NCAM2: variants seen among roughly 807,000 people sequenced by gnomAD.
NCAM2 encodes the protein N-CAM-2.
NCAM2 carries 30 observed loss-of-function variants against 98.1 expected under a neutral mutation model. The ratio of observed to expected loss-of-function variants is 0.31; its 90% CI spans 0.23 to 0.41. The LOEUF is 0.41. Among genes scored for constraint, NCAM2 ranks in the 10% least tolerant of loss-of-function variants. The probability of loss-of-function intolerance (pLI) is 1.00; values close to 1 mark genes in which losing one functional copy is unlikely to be tolerated. For missense variants in NCAM2, 867 were observed against 1,005.8 expected, an observed-to-expected ratio of 0.86 and a Z score of 1.87; for synonymous variants, 368 against 342.4, an observed-to-expected ratio of 1.07 and a Z score of -0.83.
chr21:21,350,345 C>T (rs1438708081), intron 8 of NCAM2, among the ~76,000 whole-genome samples: 2 of 152,106 alleles, frequency 1.3e-5, no homozygotes, highest in Non-Finnish European at 1.5e-5. Flanking sequence ...GTTTTAATAA[C>T]TGTAACTCAC....
At chr21:21,222,784 G>A (rs1016658204) in intron 1 of NCAM2, among the ~76,000 whole-genome samples, 1 of 152,158 alleles carries the variant, frequency 6.6e-6, no homozygotes, top group African/African-American at 2.4e-5. Context: ...AGTTGATAAA[G>A]CAGCAGCAAG....
intron 12 of NCAM2, among the ~76,000 whole-genome samples, chr21:21,437,224 GTTA>G (rs1425838107): frequency 1.3e-5 from 2 of 152,000 alleles, no homozygotes; most frequent in Non-Finnish European, 2.9e-5. Flanking sequence ...CGTTGTTGTT[GTTA>G]TTGTTGTTTT....
chr21:21,071,870 CCTAT>C (rs35549924), intron 1 of NCAM2, among the ~76,000 whole-genome samples: 37,706 of 137,656 alleles, frequency 0.27, 5,027 homozygotes, highest in East Asian at 0.35. Context: ...GTCATGTCTG[CCTAT>C]CTATCTATCT....
At chr21:21,201,573 A>G (rs1336033392) in intron 1 of NCAM2, among the ~76,000 whole-genome samples, 2 of 152,196 alleles carry the variant, frequency 1.3e-5, no homozygotes, top group East Asian at 3.8e-4. Context: ...AAGCTGGAAG[A>G]CTCAGGCTGA....
In NCAM2 at chr21:21,049,452, T is replaced by C. The variant is rs1043411173; in HGVS notation, c.55+50834T>C. On this transcript the variant is annotated intron_variant, in intron 1 of 17. Transcript: ENST00000400546. ...TTAATAGATTCAATAATTGATGGCA[T>C]AGACCCTTCTGAATTGCCTAATAAA... Among the ~76,000 whole-genome samples the C allele has an allele frequency of 9.6e-5, 13 of 135,826 alleles. 1 individual carries two copies. In the Admixed American group the frequency reaches 1.0e-3, roughly 11 times the overall value. The allele number at this position is 135,826 out of a possible 152,430, so 89.1% of individuals were successfully genotyped here. A position where few individuals can be genotyped will look rare whatever the true frequency, so the allele number is the denominator to read the frequency against.
At chr21:21,408,215 A>G (rs907173676) in intron 9 of NCAM2, among the ~76,000 whole-genome samples, 8 of 152,140 alleles carry the variant, frequency 5.3e-5, no homozygotes, top group African/African-American at 1.9e-4. Flanking sequence ...AAGAGTGTGG[A>G]AAGGCTGTGT....
At chr21:21,101,975 C>A (rs2066251525) in intron 1 of NCAM2, among the ~76,000 whole-genome samples, 1 of 151,988 alleles carries the variant, frequency 6.6e-6, no homozygotes, top group Non-Finnish European at 1.5e-5. Flanking sequence ...ATGTGGCAAG[C>A]TTTGGCCAAT....
At chr21:21,081,330 A>C (rs2065793332) in intron 1 of NCAM2, among the ~76,000 whole-genome samples, 1 of 151,960 alleles carries the variant, frequency 6.6e-6, no homozygotes, top group African/African-American at 2.4e-5. Flanking sequence ...CTATTGGGAG[A>C]GTGCCTTTCC....
Position 21,063,299 on chromosome 21 carries a change from A to G in NCAM2, c.55+64681A>G, listed in dbSNP as rs2065361316. ...GCAGAGGTGACCTGGGCTCACTGCA[A>G]CCTCTGCCTCCTGGGTTCAAGTGAT... is the stretch of plus-strand genomic sequence containing the variant. On this transcript the variant is annotated intron_variant, in intron 1 of 17. Transcript: ENST00000400546. Among the ~76,000 whole-genome samples the G allele has an allele frequency of 3.1e-5, 4 of 131,004 alleles. 1 individual carries two copies. In the South Asian group the frequency reaches 7.4e-4, roughly 24 times the overall value. 85.9% of individuals were successfully genotyped at this position (131,004 alleles called of 152,430 possible).
In NCAM2 at chr21:21,286,416, A is replaced by T. The variant is rs531186718; in HGVS notation, c.481+4A>T. 6 of 1,611,382 alleles carry T rather than the reference A, an allele frequency of 3.7e-6. No individual in the cohort carries two copies. In the East Asian group the frequency reaches 1.3e-4, roughly 36 times the overall value. ...GAAGTCACCACTATTTCCGACAGTT[A>T]GTATTTTGGTAACTCCCTAAGTTAT... On this transcript the variant is annotated splice_donor_region_variant and intron_variant, in intron 4 of 17. Transcript: ENST00000400546.
At chr21:21,254,647 T>C (rs1475930235) in intron 1 of NCAM2, among the ~76,000 whole-genome samples, 2 of 152,224 alleles carry the variant, frequency 1.3e-5, no homozygotes, top group Non-Finnish European at 2.9e-5. Context: ...GGCCCTATGA[T>C]ATTATGAAGC....
intron 1 of NCAM2, among the ~76,000 whole-genome samples, chr21:21,117,314 G>T (rs112212577): frequency 1.6e-3 from 1 of 644 alleles, no homozygotes; most frequent in African/African-American, 4.9e-3. Flanking sequence ...ATACACTATC[G>T]GTATATTCAT....
At chr21:21,023,261 C>T (rs151156380) in intron 1 of NCAM2, among the ~76,000 whole-genome samples, 1,892 of 152,156 alleles carry the variant, frequency 0.012, 31 homozygotes, top group African/African-American at 0.039. Flanking sequence ...CGGTGGCTCA[C>T]GCCTGTAATC....
intron 7 of NCAM2, among the ~76,000 whole-genome samples, chr21:21,337,527 A>G (rs1360697467): frequency 1.3e-5 from 2 of 152,026 alleles, no homozygotes; most frequent in Non-Finnish European, 2.9e-5. Flanking sequence ...TCTTTGTTAA[A>G]TGTATTAAAA....
intron 12 of NCAM2, among the ~76,000 whole-genome samples, chr21:21,462,639 T>C (rs1792280430): frequency 3.3e-5 from 5 of 152,048 alleles, no homozygotes; most frequent in African/African-American, 2.4e-5. Context: ...TTTTCTGTCA[T>C]TTTTAAGTTA....
intron 1 of NCAM2, among the ~76,000 whole-genome samples, chr21:21,213,135 A>G (rs2069729924): frequency 6.6e-6 from 1 of 152,200 alleles, no homozygotes; most frequent in South Asian, 2.1e-4. Context: ...CTGTTAATCT[A>G]TAAGAATTAT....
intron 1 of NCAM2, among the ~76,000 whole-genome samples, chr21:21,217,326 A>AACAAGAGC (rs2069944628): frequency 1.3e-5 from 2 of 152,162 alleles, no homozygotes; most frequent in African/African-American, 2.4e-5. Context: ...GAAGTCCAAA[A>AACAAGAGC]ACAAGAGCAT....
chr21:21,064,515 A>C (rs1011736191), intron 1 of NCAM2, among the ~76,000 whole-genome samples: 2 of 152,100 alleles, frequency 1.3e-5, no homozygotes, highest in African/African-American at 4.8e-5. Flanking sequence ...TCTCCACTGA[A>C]AGCATTGTCT....
intron 15 of NCAM2, among the ~76,000 whole-genome samples, chr21:21,495,239 T>G (rs1474865917): frequency 6.6e-6 from 1 of 152,042 alleles, no homozygotes; most frequent in Non-Finnish European, 1.5e-5. Flanking sequence ...TAGTTTCTAT[T>G]TTTAAAATAT....
Sources: gnomAD v4.1 joint callset for allele counts (sites outside exome capture counted in the v4.1 genomes callset) on GRCh38, gnomAD v4.1.1 for gene constraint, MANE v1.5 for transcripts, NCBI Gene and HGNC (gene_info 2026-07-23, HGNC 2026-07-21) for gene names.